The following ATP6V0D2 variants were observed in gnomAD, a reference collection of about 807,000 sequenced individuals.
The protein encoded by ATP6V0D2 is V-type proton ATPase subunit d 2.
Under a neutral mutation model 40.0 loss-of-function variants are expected in ATP6V0D2, and 40 were observed. The observed-to-expected ratio is 1.00, with a 90% confidence interval of 0.78 to 1.30. The LOEUF (loss-of-function observed/expected upper bound fraction) is 1.30. Ranked by LOEUF, ATP6V0D2 falls within the 50% of genes most tolerant of loss-of-function variation. ATP6V0D2 has a pLI of 0.00. For synonymous variants in ATP6V0D2, 179 were observed against 156.3 expected (o/e 1.15, Z -1.08); for missense variants, 470 against 423.1 (o/e 1.11, Z -0.97).
chr8:86,121,351 C>T (rs1818666891), intron 2 of ATP6V0D2, among the ~76,000 whole-genome samples: 2 of 152,184 alleles, frequency 1.3e-5, no homozygotes, highest in African/African-American at 2.4e-5. Context: ...GGGCAGATCA[C>T]TTGAGGTCAG....
intron 2 of ATP6V0D2, among the ~76,000 whole-genome samples, chr8:86,136,253 G>A (rs1377343753): frequency 6.6e-6 from 1 of 152,170 alleles, no homozygotes; most frequent in Non-Finnish European, 1.5e-5. Flanking sequence ...TAAAAATCCT[G>A]AATACACACA....
At chr8:86,147,004 A>G (rs1346321973) in intron 5 of ATP6V0D2, among the ~76,000 whole-genome samples, 2 of 43,968 alleles carry the variant, frequency 4.5e-5, no homozygotes, top group African/African-American at 2.3e-4. Flanking sequence ...TTATAACTTC[A>G]TATGAAAAAA....
chr8:86,110,923 C>T (rs1199472388), intron 1 of ATP6V0D2, among the ~76,000 whole-genome samples: 1 of 152,018 alleles, frequency 6.6e-6, no homozygotes, highest in African/African-American at 2.4e-5. Flanking sequence ...CCAATGTGAC[C>T]TACATGTTAT....
At chr8:86,140,968 T>A (rs977247507) in intron 3 of ATP6V0D2, among the ~76,000 whole-genome samples, 1 of 152,162 alleles carries the variant, frequency 6.6e-6, no homozygotes. Flanking sequence ...TGGGAGACAG[T>A]GACAGATCAT....
At chr8:86,142,800 C>A in intron 4 of ATP6V0D2, 77 bp from the exon 5 acceptor site, 3 of 873,250 alleles carry the variant, frequency 3.4e-6, no homozygotes, top group Non-Finnish European at 5.4e-6. Flanking sequence ...TTTAATAAAC[C>A]ATGAAAAGCT....
At chr8:86,127,597 T>A (rs1326196463) in intron 2 of ATP6V0D2, among the ~76,000 whole-genome samples, 2 of 152,008 alleles carry the variant, frequency 1.3e-5, no homozygotes, top group African/African-American at 4.8e-5. Flanking sequence ...CTAATTTCTG[T>A]CTTTTTTGTA....
chr8:86,126,186 C>G (rs1240648588), intron 2 of ATP6V0D2, among the ~76,000 whole-genome samples: 1 of 140,626 alleles, frequency 7.1e-6, no homozygotes, highest in Non-Finnish European at 1.5e-5. Flanking sequence ...AGCCACCTGC[C>G]TCAGCCTCCC....
chr8:86,132,194 T>C (rs1278924717), intron 2 of ATP6V0D2, among the ~76,000 whole-genome samples: 3 of 152,124 alleles, frequency 2.0e-5, no homozygotes, highest in Non-Finnish European at 2.9e-5. Flanking sequence ...GAAGTGTTAG[T>C]GTGTTGTTTT....
At chr8:86,114,036 T>C (rs549576143) in intron 2 of ATP6V0D2, among the ~76,000 whole-genome samples, 156 bp downstream of exon 2, 1 of 152,302 alleles carries the variant, frequency 6.6e-6, no homozygotes, top group African/African-American at 2.4e-5. Context: ...GATAAGCTCA[T>C]AGAGCCACAT....
At chr8:86,100,746 T>C (rs1818386021) in intron 1 of ATP6V0D2, among the ~76,000 whole-genome samples, 1 of 152,028 alleles carries the variant, frequency 6.6e-6, no homozygotes, top group South Asian at 2.1e-4. Context: ...GACTAAGTGT[T>C]TCTGAGAGGA....
intron 2 of ATP6V0D2, among the ~76,000 whole-genome samples, chr8:86,134,890 G>A (rs1159908473): frequency 6.6e-6 from 1 of 152,194 alleles, no homozygotes; most frequent in African/African-American, 2.4e-5. Context: ...TGTATTACAT[G>A]TATCTCAAGA....
chr8:86,147,008 G>GA (rs34426656), intron 5 of ATP6V0D2, among the ~76,000 whole-genome samples: 130,029 of 151,186 alleles, frequency 0.86, 56,083 homozygotes, highest in Middle Eastern at 0.91. Flanking sequence ...AACTTCATAT[G>GA]AAAAAAAAAG....
rs765480746 is a variant in ATP6V0D2 at position 86,150,234 on chromosome 8, G to T, written c.762G>T (p.Leu254=). ...AACTCTATCCTGAGGGGTTGCGGCT[G>T]TTGGCTCAAGCAGAAGACTTTGACC... The part of the protein sequence containing the change: ...FGKLYPEGLR[L]LAQAEDFDQM... Residue 254 remains leucine (L), a synonymous_variant, in exon 6 of 8, where the codon CTG becomes CTT. Transcript: ENST00000285393. The T allele has an allele frequency of 6.2e-7, 1 of 1,613,314 alleles. No individual in the cohort carries two copies. Among genetic ancestry groups the T allele is most frequent in the Non-Finnish European group, 8.5e-7 (1 of 1,179,906 alleles).
intron 2 of ATP6V0D2, among the ~76,000 whole-genome samples, chr8:86,122,621 G>A (rs1381362929): frequency 6.6e-6 from 1 of 152,192 alleles, no homozygotes; most frequent in Non-Finnish European, 1.5e-5. Context: ...TTCTAATGCA[G>A]CAAGCAAGTC....
chr8:86,142,828 A>G, intron 4 of ATP6V0D2, 49 bp from the exon 5 acceptor site: 2 of 1,228,098 alleles, frequency 1.6e-6, no homozygotes, highest in South Asian at 1.3e-5. Context: ...ACATTTTCAA[A>G]AGGAATATAT....
At chr8:86,113,978 A>G (rs1818562752) in intron 2 of ATP6V0D2, 98 bp downstream of exon 2, 2 of 1,149,664 alleles carry the variant, frequency 1.7e-6, no homozygotes, top group African/African-American at 3.1e-5. Context: ...GAGACTTAAG[A>G]CCTTTTCCAT....
chr8:86,137,293 T>C (rs1818911287), intron 2 of ATP6V0D2, among the ~76,000 whole-genome samples: 1 of 152,100 alleles, frequency 6.6e-6, no homozygotes, highest in South Asian at 2.1e-4. Flanking sequence ...GGACTTTGAC[T>C]CTCCAATCAC....
intron 2 of ATP6V0D2, among the ~76,000 whole-genome samples, chr8:86,137,798 C>G (rs1186467608): frequency 1.3e-5 from 2 of 152,156 alleles, no homozygotes; most frequent in Non-Finnish European, 2.9e-5. Flanking sequence ...AGTCTCAGCT[C>G]TCCTACTTGT....
At chr8:86,146,652 A>T (rs1276259404) in intron 5 of ATP6V0D2, among the ~76,000 whole-genome samples, 1 of 152,164 alleles carries the variant, frequency 6.6e-6, no homozygotes, top group African/African-American at 2.4e-5. Flanking sequence ...GCCATAAGCC[A>T]CCTCATTCCA....
Sources: allele counts gnomAD v4.1 joint callset (sites outside exome capture counted in the v4.1 genomes callset), GRCh38; gene constraint gnomAD v4.1.1; transcripts MANE v1.5; gene names NCBI Gene and HGNC (gene_info 2026-07-23, HGNC 2026-07-21).